The following FLNB variants were observed in gnomAD, a reference collection of about 807,000 sequenced individuals.
The protein encoded by FLNB is filamin-B.
A neutral mutation model predicts 250.6 loss-of-function variants in FLNB; 111 were observed. That is an observed-to-expected ratio of 0.44 (90% CI 0.38 to 0.52). The LOEUF is 0.52. Among genes scored for constraint, FLNB ranks in the 20% least tolerant of loss-of-function variants. The pLI is 0.00. For synonymous variants in FLNB, 1,302 were observed against 1,372.1 expected (o/e 0.95, Z 1.13); for missense variants, 2,869 against 3,447.8 (o/e 0.83, Z 4.20).
rs141342605 is a variant in FLNB at position 58,138,407 on chromosome 3, G to A, written c.4987G>A (p.Asp1663Asn). ...LTPDGTEAEA[D>N]VIENEDGTYD... Reference sequence around the variant, plus strand: ...CCCAGATGGCACTGAGGCCGAGGCCGATGTCATTGAGAATGAAGATGGAAC... The same window carrying A: ...CCCAGATGGCACTGAGGCCGAGGCCAATGTCATTGAGAATGAAGATGGAAC... The change falls in exon 29 of 46, where the codon GAT (aspartate) becomes AAT (asparagine). Residue 1663 changes from aspartate (D) to asparagine (N), a missense_variant. By Grantham distance (23) the Asp-to-Asn change is conservative. Transcript: ENST00000295956. The A allele has an allele frequency of 8.2e-5, 133 of 1,614,200 alleles. No homozygotes were observed. Among genetic ancestry groups the A allele is most frequent in the African/African-American group, 1.3e-4 (10 of 75,034 alleles).
chr3:58,137,567 G>A (rs1559721741), intron 28 of FLNB, among the ~76,000 whole-genome samples: 1 of 152,102 alleles, frequency 6.6e-6, no homozygotes, highest in Non-Finnish European at 1.5e-5. Flanking sequence ...TTACTCCTAC[G>A]CACTTGGCTC....
In FLNB at chr3:58,138,498, T is replaced by A. The variant is rs750748530; in HGVS notation, c.5078T>A (p.Val1693Asp). The A allele has an allele frequency of 9.3e-6, 15 of 1,614,098 alleles. No homozygotes were observed. Among genetic ancestry groups the A allele is most frequent in the Non-Finnish European group, 1.0e-5 (12 of 1,180,034 alleles). The change falls in exon 29 of 46, where the codon GTT (valine) becomes GAT (aspartate). Residue 1693 changes from valine (V) to aspartate (D), a missense_variant. Coordinates refer to ENST00000295956, the MANE Select transcript of FLNB (RefSeq NM_001457.4). ...TYVIYVRFGG[V>D]DIPNSPFTVM... ...GTGATCTATGTGCGCTTCGGTGGTGTTGATATTCCTAACAGCCCCTTCACT... is the reference window on the plus strand; with the variant it reads ...GTGATCTATGTGCGCTTCGGTGGTGATGATATTCCTAACAGCCCCTTCACT...
rs73837282 is a variant in FLNB at position 58,068,677 on chromosome 3, G to A, written c.293-8369G>A. ...AGAAACTGCAAAGCTGACCTGGGCT[G>A]TCAGTGGGCACCAGGTCCTGCTGGC... On this transcript the variant is annotated intron_variant, in intron 1 of 45. Coordinates refer to ENST00000295956, the MANE Select transcript of FLNB (RefSeq NM_001457.4). Among the ~76,000 whole-genome samples, 319 of 152,324 alleles carry A rather than the reference G, an allele frequency of 2.1e-3. 2 individuals are homozygous for A. Among genetic ancestry groups the A allele is most frequent in the African/African-American group, 7.3e-3 (305 of 41,562 alleles).
chr3:58,087,961 A>T (rs548083610), intron 4 of FLNB, among the ~76,000 whole-genome samples: 32 of 150,476 alleles, frequency 2.1e-4, no homozygotes, highest in African/African-American at 7.6e-4. Flanking sequence ...GCTGGTCTTG[A>T]ACTGCTGACC....
chr3:58,021,012 T>C (rs929684623), intron 1 of FLNB, among the ~76,000 whole-genome samples: 2 of 152,054 alleles, frequency 1.3e-5, no homozygotes, highest in African/African-American at 4.8e-5. Flanking sequence ...AAATAGGATT[T>C]CTCAGTTTCC....
chr3:58,166,854 G>T, intron 43 of FLNB, among the ~76,000 whole-genome samples: 1 of 149,762 alleles, frequency 6.7e-6, no homozygotes, highest in East Asian at 2.0e-4. Flanking sequence ...GGCCGGGTGC[G>T]TTGGCTCATG....
At chr3:58,038,779 G>C (rs1282701409) in intron 1 of FLNB, among the ~76,000 whole-genome samples, 3 of 152,040 alleles carry the variant, frequency 2.0e-5, no homozygotes, top group African/African-American at 7.2e-5. Context: ...GTTACTACTT[G>C]CAGGCATCTC....
At chr3:58,085,943 C>A (rs1173240384) in intron 4 of FLNB, among the ~76,000 whole-genome samples, 3 of 152,172 alleles carry the variant, frequency 2.0e-5, no homozygotes, top group East Asian at 1.9e-4. Context: ...GCTGGAGTCA[C>A]ACGAAGTGGA....
rs749476365 is a variant in FLNB at position 58,123,590 on chromosome 3, T to C, written c.3624T>C (p.Tyr1208=). ...TAGMYTLTMK[Y]GGELVPHFPA... ...GCATGTACACGTTGACCATGAAGTATGGTGGCGAACTCGTGCCACACTTCC... is the reference window on the plus strand; with the variant it reads ...GCATGTACACGTTGACCATGAAGTACGGTGGCGAACTCGTGCCACACTTCC... Residue 1208 remains tyrosine, a synonymous_variant, in exon 21 of 46, where the codon TAT becomes TAC. Transcript: ENST00000295956. 6.2e-7 allele frequency: 1 copy of C among 1,611,152 alleles called. No individual in the cohort carries two copies. The highest frequency in any genetic ancestry group is 8.5e-7 in the Non-Finnish European group (1 of 1,179,546).
chr3:58,120,564 C>A (rs981743616), intron 19 of FLNB, among the ~76,000 whole-genome samples: 1 of 152,186 alleles, frequency 6.6e-6, no homozygotes, highest in African/African-American at 2.4e-5. Flanking sequence ...TTGCAGAGAC[C>A]TTTTGGAAAC....
intron 26 of FLNB, 72 bp downstream of exon 26, chr3:58,133,003 C>G: frequency 6.7e-7 from 1 of 1,489,984 alleles, no homozygotes; most frequent in Non-Finnish European, 9.1e-7. Context: ...CTCCATCAGT[C>G]CATCCACCCA....
chr3:58,091,559 T>C (rs183894778), intron 4 of FLNB, among the ~76,000 whole-genome samples: 2 of 151,694 alleles, frequency 1.3e-5, no homozygotes, highest in East Asian at 3.9e-4. Context: ...GAAAAAAACA[T>C]AGAAGAGAAT....
At position 58,105,172 on chromosome 3, in the gene FLNB, C is replaced by T. The variant is rs773454165; in HGVS notation, c.1703C>T (p.Ala568Val). Residue 568 changes from alanine to valine, a missense_variant, in exon 11 of 46, where the codon GCG becomes GTG. By Grantham distance (64) the Ala-to-Val change is moderately conservative (BLOSUM62 0). Transcript: ENST00000295956. ...CATGGTGGGATTGTCGGGCGGTCAGCGGACTTCGTGGTAGAATCCATTGGC... is the reference window on the plus strand; with the variant it reads ...CATGGTGGGATTGTCGGGCGGTCAGTGGACTTCGTGGTAGAATCCATTGGC... ...GLHGGIVGRS[A>V]DFVVESIGSE... is the part of the protein sequence containing the mutation. The T allele has an allele frequency of 3.6e-5, 58 of 1,614,166 alleles. No homozygotes were observed. Among genetic ancestry groups the T allele is most frequent in the Non-Finnish European group, 4.6e-5 (54 of 1,180,038 alleles).
intron 43 of FLNB, among the ~76,000 whole-genome samples, chr3:58,168,158 A>G (rs1020397333): frequency 3.9e-5 from 6 of 152,242 alleles, no homozygotes; most frequent in Non-Finnish European, 5.9e-5. Flanking sequence ...CTCAGCCACA[A>G]TGGCTCATGC....
At chr3:58,048,848 A>C (rs1479086849) in intron 1 of FLNB, among the ~76,000 whole-genome samples, 1 of 152,236 alleles carries the variant, frequency 6.6e-6, no homozygotes, top group African/African-American at 2.4e-5. Context: ...TATTTTTAAA[A>C]TGTAACTAGT....
At chr3:58,108,394 C>T in intron 12 of FLNB, 64 bp from the exon 13 acceptor site, 1 of 1,051,768 alleles carries the variant, frequency 9.5e-7, no homozygotes, top group Non-Finnish European at 1.5e-6. Flanking sequence ...GGTTACCTGT[C>T]TTTGTATAAG....
chr3:58,121,536 C>G, intron 20 of FLNB, 33 bp downstream of exon 20: 1 of 1,612,370 alleles, frequency 6.2e-7, no homozygotes, highest in Non-Finnish European at 8.5e-7. Flanking sequence ...GAACTTGTCT[C>G]ATTGCTGTCA....
At chr3:58,009,898 T>G (rs2097095907) in intron 1 of FLNB, among the ~76,000 whole-genome samples, 1 of 152,132 alleles carries the variant, frequency 6.6e-6, no homozygotes, top group African/African-American at 2.4e-5. Flanking sequence ...CTGAGATAGT[T>G]GGAGGCTTCC....
intron 1 of FLNB, among the ~76,000 whole-genome samples, chr3:58,022,354 C>A (rs2097115353): frequency 6.6e-6 from 1 of 152,192 alleles, no homozygotes; most frequent in Non-Finnish European, 1.5e-5. Context: ...TAGTAGACAA[C>A]TGGGTCTGGG....
Sources: allele counts gnomAD v4.1 joint callset (sites outside exome capture counted in the v4.1 genomes callset), GRCh38; gene constraint gnomAD v4.1.1; transcripts MANE v1.5; gene names NCBI Gene and HGNC (gene_info 2026-07-23, HGNC 2026-07-21).